CDC73: variants seen among roughly 807,000 people sequenced by gnomAD.
CDC73 encodes cell division cycle 73, also known as parafibromin.
In CDC73, 21 loss-of-function variants were observed where a neutral mutation model predicts 83.7. The observed-to-expected ratio is 0.25, with a 90% CI of 0.18 to 0.36. The LOEUF (loss-of-function observed/expected upper bound fraction) is 0.36. Among genes scored for constraint, CDC73 ranks in the 10% least tolerant of loss-of-function variants. The probability of loss-of-function intolerance (pLI) is 1.00; values close to 1 mark genes in which losing one functional copy is unlikely to be tolerated. For missense variants in CDC73, 342 were observed against 653.3 expected, an observed-to-expected ratio of 0.52 and a Z score of 5.19; for synonymous variants, 224 against 212.9, an observed-to-expected ratio of 1.05 and a Z score of -0.45.
chr1:193,218,041 C>T (rs1188484303), intron 13 of CDC73, among the ~76,000 whole-genome samples: 4 of 152,130 alleles, frequency 2.6e-5, no homozygotes, highest in Non-Finnish European at 5.9e-5. Context: ...CACTGATAAA[C>T]AAGTTTAGTG....
chr1:193,138,350 C>CTTTTTGAA (rs1289578623), intron 6 of CDC73, among the ~76,000 whole-genome samples, 177 bp downstream of exon 6: 2 of 152,166 alleles, frequency 1.3e-5, no homozygotes, highest in African/African-American at 2.4e-5. Flanking sequence ...GTTTATCATG[C>CTTTTTGAA]TTTTTGAAAA....
chr1:193,247,228 C>A (rs1272151980), intron 15 of CDC73, among the ~76,000 whole-genome samples: 1 of 151,966 alleles, frequency 6.6e-6, no homozygotes, highest in Non-Finnish European at 1.5e-5. Context: ...TTCAAACTTT[C>A]ATTATTTTTG....
chr1:193,234,014 G>A (rs1677705913), intron 14 of CDC73, among the ~76,000 whole-genome samples: 1 of 150,914 alleles, frequency 6.6e-6, no homozygotes, highest in Admixed American at 6.6e-5. Flanking sequence ...AAGAAGTCAA[G>A]GCATTGAGAA....
intron 15 of CDC73, among the ~76,000 whole-genome samples, chr1:193,241,671 G>A (rs1379254019): frequency 1.3e-5 from 2 of 152,208 alleles, no homozygotes; most frequent in African/African-American, 4.8e-5. Context: ...AGTTGTGGTG[G>A]TAGTGGCAGG....
At position 193,156,304 on chromosome 1, in the gene CDC73, A is replaced by T. The variant is rs546995006; in HGVS notation, c.972+3860A>T. Among the ~76,000 whole-genome samples, 12 of 152,222 alleles carry T rather than the reference A, an allele frequency of 7.9e-5. No homozygotes were observed. The East Asian group carries it at 2.3e-3, about 29-fold the overall frequency. ...GGAAGGGTTACAGACTCTAACCTCT[A>T]TTTGTTCTTAGTGAGTATCATTGAC... is the stretch of plus-strand genomic sequence containing the variant. On this transcript the variant is annotated intron_variant, in intron 10 of 16. Transcript: ENST00000367435.
intron 6 of CDC73, among the ~76,000 whole-genome samples, chr1:193,139,130 T>G (rs948543472): frequency 3.9e-5 from 6 of 152,230 alleles, no homozygotes; most frequent in Non-Finnish European, 1.5e-5. Flanking sequence ...TTTTTTGAAT[T>G]AACTTTATAT....
intron 13 of CDC73, among the ~76,000 whole-genome samples, chr1:193,212,829 G>T (rs990158618): frequency 6.6e-6 from 1 of 152,114 alleles, no homozygotes; most frequent in African/African-American, 2.4e-5. Context: ...ACCCTAGTGG[G>T]AGTAAGTGGG....
chr1:193,192,011 T>C (rs145742943), intron 10 of CDC73, among the ~76,000 whole-genome samples: 81 of 152,344 alleles, frequency 5.3e-4, no homozygotes, highest in African/African-American at 1.8e-3. Flanking sequence ...TAACAAACAA[T>C]TTGTAAATTC....
chr1:193,197,631 A>T (rs1677023228), intron 10 of CDC73, among the ~76,000 whole-genome samples: 2 of 152,084 alleles, frequency 1.3e-5, no homozygotes, highest in African/African-American at 4.8e-5. Context: ...TGCTTTCAGT[A>T]AGTGTATGTA....
intron 13 of CDC73, among the ~76,000 whole-genome samples, chr1:193,218,301 A>G (rs981431092): frequency 2.6e-5 from 4 of 152,238 alleles, no homozygotes; most frequent in Admixed American, 1.3e-4. Flanking sequence ...ATGTGCATGG[A>G]TAGGAAGAAT....
intron 11 of CDC73, 141 bp downstream of exon 11, chr1:193,203,993 A>T (rs1677135898): frequency 5.5e-6 from 4 of 733,128 alleles, no homozygotes; most frequent in Non-Finnish European, 9.8e-6. Context: ...AAGACTGTCG[A>T]TACTGTTTAA....
rs576353695 is a variant in CDC73 at position 193,188,797 on chromosome 1, C to G, written c.973-14998C>G. ...AGTATCGGATTGAGTCCCTGAATTTCCAGTGGGACCCCCCCGCCCCGAACT... is the reference window on the plus strand; with the variant it reads ...AGTATCGGATTGAGTCCCTGAATTTGCAGTGGGACCCCCCCGCCCCGAACT... On this transcript the variant is annotated intron_variant, in intron 10 of 16. Transcript: ENST00000367435. Among the ~76,000 whole-genome samples, 2 of 151,976 alleles carry G rather than the reference C, an allele frequency of 1.3e-5. 1 individual carries two copies. Among genetic ancestry groups the G allele is most frequent in the South Asian group, 4.2e-4 (2 of 4,808 alleles).
At chr1:193,206,428 C>T (rs1572198687) in intron 11 of CDC73, among the ~76,000 whole-genome samples, 2 of 152,300 alleles carry the variant, frequency 1.3e-5, no homozygotes, top group South Asian at 4.2e-4. Flanking sequence ...TTTTTGCTCT[C>T]ATTCAGCAAT....
chr1:193,179,835 A>C (rs1301572698), intron 10 of CDC73: 1 of 152,650 alleles, frequency 6.6e-6, no homozygotes, highest in African/African-American at 2.4e-5. Flanking sequence ...AAATAGGTCA[A>C]AAAATTTATC....
intron 10 of CDC73, among the ~76,000 whole-genome samples, chr1:193,198,235 T>TATA (rs1243111387): frequency 6.6e-6 from 1 of 152,172 alleles, no homozygotes; most frequent in Non-Finnish European, 1.5e-5. Flanking sequence ...AATTATATAG[T>TATA]ATAATGAGGT....
At chr1:193,137,454 G>A (rs1244192344) in intron 5 of CDC73, among the ~76,000 whole-genome samples, 1 of 152,164 alleles carries the variant, frequency 6.6e-6, no homozygotes, top group African/African-American at 2.4e-5. Flanking sequence ...AGGGTTACCA[G>A]ATTTTGTTTT....
intron 15 of CDC73, among the ~76,000 whole-genome samples, chr1:193,236,634 C>T (rs1010824830): frequency 6.6e-6 from 1 of 152,082 alleles, no homozygotes; most frequent in East Asian, 1.9e-4. Context: ...GTGGCTCACA[C>T]CTGTAATCTC....
chr1:193,181,369 C>G (rs745513357), intron 10 of CDC73: 1 of 1,613,954 alleles, frequency 6.2e-7, no homozygotes, highest in South Asian at 1.1e-5. Flanking sequence ...CCGAAATCCT[C>G]GGAAAGTGTA....
chr1:193,208,697 G>A (rs1558311543), intron 11 of CDC73, among the ~76,000 whole-genome samples: 1 of 151,606 alleles, frequency 6.6e-6, no homozygotes, highest in African/African-American at 2.4e-5. Flanking sequence ...ACTTAATATT[G>A]CTTAAAAAGC....
Sources: allele counts gnomAD v4.1 joint callset (sites outside exome capture counted in the v4.1 genomes callset), GRCh38; gene constraint gnomAD v4.1.1; transcripts MANE v1.5; gene names NCBI Gene and HGNC (gene_info 2026-07-23, HGNC 2026-07-21).